The following PLPP4 variants were observed in gnomAD, a reference collection of about 807,000 sequenced individuals.
PLPP4 encodes diacylglycerol pyrophosphate like 2.
In PLPP4, 20 loss-of-function variants were observed where a neutral mutation model predicts 32.2. The ratio of observed to expected loss-of-function variants is 0.62; its 90% CI spans 0.44 to 0.90. The LOEUF is 0.90. Ranked by LOEUF, PLPP4 falls within the 40% of genes least tolerant of loss-of-function variation. The pLI, the probability that PLPP4 is intolerant of heterozygous loss-of-function variation, is 0.00. For synonymous variants in PLPP4, 127 were observed against 133.0 expected (o/e 0.95, Z 0.31); for missense variants, 257 against 353.1 (o/e 0.73, Z 2.18).
chr10:120,542,269 G>GCC (rs1296791964), intron 5 of PLPP4, among the ~76,000 whole-genome samples: 6 of 152,252 alleles, frequency 3.9e-5, no homozygotes, highest in Non-Finnish European at 7.3e-5. Flanking sequence ...CATGGGCTCA[G>GCC]ATGCAAATGA....
chr10:120,459,567 T>C (rs1437099576), intron 1 of PLPP4, among the ~76,000 whole-genome samples: 1 of 152,222 alleles, frequency 6.6e-6, no homozygotes, highest in South Asian at 2.1e-4. Context: ...TATTGGGTTG[T>C]ACCTACCTCT....
chr10:120,461,329 A>G (rs1302223502), intron 1 of PLPP4, among the ~76,000 whole-genome samples: 1 of 152,062 alleles, frequency 6.6e-6, no homozygotes, highest in Non-Finnish European at 1.5e-5. Context: ...TAGTTCAAGC[A>G]CTCTGTATTT....
At chr10:120,576,046 C>T (rs1178749132) in intron 6 of PLPP4, among the ~76,000 whole-genome samples, 2 of 152,104 alleles carry the variant, frequency 1.3e-5, no homozygotes, top group East Asian at 3.9e-4. Flanking sequence ...AAGGGCAATC[C>T]TTGGATCACC....
At chr10:120,502,593 G>T (rs1845307081) in intron 1 of PLPP4, among the ~76,000 whole-genome samples, 1 of 152,118 alleles carries the variant, frequency 6.6e-6, no homozygotes, top group African/African-American at 2.4e-5. Context: ...TACAGTGACA[G>T]CCCTGGAGTG....
At chr10:120,551,246 A>G (rs1847887431) in intron 5 of PLPP4, among the ~76,000 whole-genome samples, 1 of 152,208 alleles carries the variant, frequency 6.6e-6, no homozygotes, top group African/African-American at 2.4e-5. Context: ...GTTGATGGGT[A>G]TGGATTTAAG....
At chr10:120,550,858 A>T (rs1392861449) in intron 5 of PLPP4, among the ~76,000 whole-genome samples, 1 of 152,074 alleles carries the variant, frequency 6.6e-6, no homozygotes, top group Non-Finnish European at 1.5e-5. Context: ...TTTAGGAGAA[A>T]CACAACAGCA....
intron 1 of PLPP4, among the ~76,000 whole-genome samples, chr10:120,458,004 G>A (rs1847872339): frequency 6.6e-6 from 1 of 152,232 alleles, no homozygotes; most frequent in Non-Finnish European, 1.5e-5. Context: ...GGGTAGCCGT[G>A]AAATGCCCAG....
intron 5 of PLPP4, among the ~76,000 whole-genome samples, chr10:120,574,160 ACACACACACTCTCT>A (rs1564850046): frequency 5.4e-4 from 64 of 117,596 alleles, no homozygotes; most frequent in Non-Finnish European, 9.0e-4. Flanking sequence ...ACACACACAC[ACACACACACTCTCT>A]CTCTCTCTCT....
chr10:120,479,256 A>G (rs888464389), intron 1 of PLPP4, among the ~76,000 whole-genome samples: 2 of 151,984 alleles, frequency 1.3e-5, no homozygotes, highest in African/African-American at 4.8e-5. Flanking sequence ...CAAACCAAAA[A>G]AAAACCTTCC....
At chr10:120,581,140 G>A (rs1849491078) in intron 6 of PLPP4, 1 of 985,246 alleles carries the variant, frequency 1.0e-6, no homozygotes, top group South Asian at 4.7e-5. Context: ...CCCTCTTCCT[G>A]CCTCCAGGAT....
At chr10:120,561,536 T>A (rs1332602786) in intron 5 of PLPP4, among the ~76,000 whole-genome samples, 1 of 152,198 alleles carries the variant, frequency 6.6e-6, no homozygotes, top group African/African-American at 2.4e-5. Context: ...TTATAATATG[T>A]CTTGACATAA....
intron 1 of PLPP4, among the ~76,000 whole-genome samples, chr10:120,460,276 C>T (rs1371154382): frequency 1.3e-5 from 2 of 152,156 alleles, no homozygotes; most frequent in African/African-American, 4.8e-5. Flanking sequence ...GGATTGTGGG[C>T]AGAGCAGGAA....
intron 5 of PLPP4, among the ~76,000 whole-genome samples, chr10:120,556,610 A>G (rs11199400): frequency 0.038 from 5,851 of 152,286 alleles, 260 homozygotes; most frequent in East Asian, 0.16. Context: ...GTTCCAAAAT[A>G]CAGCTAGCAT....
intron 5 of PLPP4, among the ~76,000 whole-genome samples, chr10:120,570,156 C>T (rs138406055): frequency 4.2e-4 from 64 of 152,198 alleles, no homozygotes; most frequent in South Asian, 1.9e-3. Context: ...CCTCTGATCA[C>T]CTGGCTGTCC....
intron 5 of PLPP4, among the ~76,000 whole-genome samples, chr10:120,528,221 CCT>C (rs1846515685): frequency 6.6e-6 from 1 of 152,004 alleles, no homozygotes; most frequent in Non-Finnish European, 1.5e-5. Flanking sequence ...ACTACAGGCG[CCT>C]GCCACCATGC....
At chr10:120,464,678 AG>A (rs1848232785) in intron 1 of PLPP4, among the ~76,000 whole-genome samples, 1 of 152,214 alleles carries the variant, frequency 6.6e-6, no homozygotes, top group Admixed American at 6.5e-5. Flanking sequence ...CTCTCAGCAT[AG>A]CTGCATTAGA....
rs771060801 is a variant in PLPP4, at chr10:120,508,101, T to G, written c.165+4175T>G. On this transcript the variant is annotated intron_variant, in intron 2 of 6. Transcript: ENST00000398250. ...ATACATTCTCATAGACTATTACTGA[T>G]AGATACTGTGTTGATTTGATACCAG... 5.9e-5 allele frequency among the ~76,000 whole-genome samples: 9 copies of G among 152,338 alleles called. No homozygotes were observed. In the South Asian group the frequency reaches 1.9e-3, roughly 32 times the overall value.
intron 1 of PLPP4, among the ~76,000 whole-genome samples, chr10:120,491,582 G>A (rs776026218): frequency 3.3e-5 from 5 of 151,886 alleles, no homozygotes; most frequent in Admixed American, 6.5e-5. Context: ...CCAATAATAG[G>A]CTGTTTCTTT....
At position 120,479,631 on chromosome 10, in the gene PLPP4, G is replaced by A. The variant is rs1334877178; in HGVS notation, c.56+22270G>A. Reference sequence around the variant, plus strand: ...GCACTGCCTTCCCACCATTCCCCAGGATCTGGCTCACCATGGTGTGCAGGA... The same window carrying A: ...GCACTGCCTTCCCACCATTCCCCAGAATCTGGCTCACCATGGTGTGCAGGA... On this transcript the variant is annotated intron_variant, in intron 1 of 6. Coordinates refer to ENST00000398250, the MANE Select transcript of PLPP4 (RefSeq NM_001030059.3). Among the ~76,000 whole-genome samples the A allele has an allele frequency of 2.3e-4, 35 of 152,172 alleles. 1 individual carries two copies. The highest frequency in any genetic ancestry group is 2.3e-3 in the Admixed American group (35 of 15,278).
Sources: allele counts gnomAD v4.1 joint callset (sites outside exome capture counted in the v4.1 genomes callset), GRCh38; gene constraint gnomAD v4.1.1; transcripts MANE v1.5; gene names NCBI Gene and HGNC (gene_info 2026-07-23, HGNC 2026-07-21).